Variants in DPY30 observed in about 807,000 individuals in gnomAD.
DPY30 encodes the protein protein dpy-30 homolog.
DPY30 carries 6 observed loss-of-function variants against 16.2 expected under a neutral mutation model. That is an observed-to-expected ratio of 0.37 (90% confidence interval 0.20 to 0.73). The LOEUF (loss-of-function observed/expected upper bound fraction) is 0.73. DPY30 is among the 30% of genes least tolerant of loss of function. The pLI is 0.51. For synonymous variants in DPY30, 39 were observed against 38.8 expected (o/e 1.00, Z -0.02); for missense variants, 73 against 113.1 (o/e 0.65, Z 1.61).
intron 5 of DPY30, among the ~76,000 whole-genome samples, chr2:32,016,951 C>T (rs769030985): frequency 5.3e-5 from 8 of 152,072 alleles, no homozygotes; most frequent in African/African-American, 1.7e-4. Context: ...GGCGCGATCT[C>T]GGTTCACTGC....
intron 3 of DPY30, among the ~76,000 whole-genome samples, chr2:32,037,390 G>A (rs530339821): frequency 8.6e-5 from 13 of 151,838 alleles, no homozygotes; most frequent in East Asian, 5.8e-4. Flanking sequence ...CTGCAGCTTC[G>A]GCCTCCCAGG....
Position 32,029,770 on chromosome 2 carries a change from T to C in DPY30, c.85-34A>G, listed in dbSNP as rs777696054. 10 of 1,610,120 alleles carry C rather than the reference T, an allele frequency of 6.2e-6. No individual in the cohort carries two copies. The South Asian group carries it at 1.1e-4, about 18-fold the overall frequency. ...TTCAAAAAAACAGTGCATGAACATT[T>C]CAAATAACCAGGTTATTTTGAGTGC... On this transcript the variant is annotated intron_variant, in intron 3 of 4. Coordinates refer to ENST00000342166, the MANE Select transcript of DPY30 (RefSeq NM_001321209.2).
At chr2:32,039,561 G>T in intron 1 of DPY30, 69 bp from the exon 2 acceptor site, 2 of 1,502,098 alleles carry the variant, frequency 1.3e-6, no homozygotes, top group Non-Finnish European at 1.8e-6. Flanking sequence ...ATGGAGTGCA[G>T]CCCAGCCCCC....
downstream of DPY30, chr2:32,023,378 A>G (rs1675226222): frequency 4.3e-6 from 2 of 464,156 alleles, no homozygotes; most frequent in Non-Finnish European, 8.9e-6. Context: ...AATGAAATTC[A>G]GCAACACATT....
chr2:32,029,844 G>A (rs901188568), intron 3 of DPY30, 108 bp from the exon 4 acceptor site: 12 of 1,245,214 alleles, frequency 9.6e-6, no homozygotes, highest in Admixed American at 8.0e-5. Flanking sequence ...GCAAATCAAT[G>A]ACTAGAAAGA....
chr2:32,025,747 A>T (rs1260729761), intron 4 of DPY30, among the ~76,000 whole-genome samples: 2 of 150,314 alleles, frequency 1.3e-5, no homozygotes, highest in Non-Finnish European at 3.0e-5. Flanking sequence ...GCCGCAACAG[A>T]ACAAGACTCC....
At chr2:32,013,866 G>C (rs1675014139) in intron 5 of DPY30, among the ~76,000 whole-genome samples, 1 of 152,172 alleles carries the variant, frequency 6.6e-6, no homozygotes, top group Admixed American at 6.5e-5. Flanking sequence ...AAATTAGCCA[G>C]GCGTGGTGGC....
intron 3 of DPY30, among the ~76,000 whole-genome samples, chr2:32,038,335 C>T (rs1410873648): frequency 7.2e-6 from 1 of 139,310 alleles, no homozygotes; most frequent in Non-Finnish European, 1.5e-5. Context: ...CTCCTGACCT[C>T]AGGTGATCAG....
In DPY30 at chr2:32,015,414, C is replaced by CT. The variant is rs148751973; in HGVS notation, n.378-3363dup. ...AAATACTGTGTATCTGAACACTAGA[C>CT]TAAGTACATTAGATATTTAATAATT... On this transcript the variant is annotated intron_variant and non_coding_transcript_variant, in intron 5 of 5. Transcript: ENST00000414013. Among the ~76,000 whole-genome samples, 914 of 152,152 alleles carry CT rather than the reference C, an allele frequency of 6.0e-3. 12 individuals are homozygous for CT. Among genetic ancestry groups the CT allele is most frequent in the African/African-American group, 0.021 (856 of 41,496 alleles).
intron 3 of DPY30, among the ~76,000 whole-genome samples, chr2:32,030,925 A>G (rs981372853): frequency 8.5e-5 from 13 of 152,214 alleles, no homozygotes; most frequent in Non-Finnish European, 1.5e-4. Flanking sequence ...ACTTAAATGA[A>G]TGAAGTTTTC....
intron 4 of DPY30, among the ~76,000 whole-genome samples, chr2:32,028,616 C>G (rs934889194): frequency 6.6e-6 from 1 of 152,102 alleles, no homozygotes; most frequent in African/African-American, 2.4e-5. Context: ...TTCTGGCCAA[C>G]ATGGTGAAAC....
downstream of DPY30, among the ~76,000 whole-genome samples, chr2:32,021,327 T>A (rs1422751532): frequency 3.3e-5 from 5 of 151,902 alleles, no homozygotes; most frequent in African/African-American, 9.7e-5. Flanking sequence ...TATTTATACT[T>A]CCAAAACTAG....
At chr2:32,015,903 T>C (rs1206198234) in intron 5 of DPY30, among the ~76,000 whole-genome samples, 3 of 151,896 alleles carry the variant, frequency 2.0e-5, no homozygotes, top group Non-Finnish European at 4.4e-5. Flanking sequence ...CAAGGTTGAT[T>C]TTGTTTTGAG....
intron 3 of DPY30, among the ~76,000 whole-genome samples, chr2:32,034,710 C>T (rs901371164): frequency 2.6e-5 from 4 of 152,146 alleles, no homozygotes; most frequent in African/African-American, 4.8e-5. Context: ...AAGAAAATCT[C>T]ATAATACGCT....
In DPY30 at chr2:32,027,923, C is replaced by T. The variant is rs375753067; in HGVS notation, c.227+1671G>A. On this transcript the variant is annotated intron_variant, in intron 4 of 4. Coordinates refer to ENST00000342166, the MANE Select transcript of DPY30 (RefSeq NM_001321209.2). The stretch of plus-strand genomic sequence containing the variant: ...GATTACAGGCGTGAGCCACCACGCC[C>T]GGCCCAAGATACCCATATTTTAATT... Among the ~76,000 whole-genome samples the T allele has an allele frequency of 5.7e-4, 87 of 151,978 alleles. No homozygotes were observed. The Middle Eastern group carries it at 0.024, about 42-fold the overall frequency.
intron 3 of DPY30, among the ~76,000 whole-genome samples, chr2:32,038,142 T>C (rs1414349013): frequency 2.0e-5 from 3 of 150,212 alleles, no homozygotes; most frequent in Admixed American, 6.7e-5. Context: ...TTTCTTTTTT[T>C]TTTTTTTTTT....
chr2:32,017,097 G>T (rs1336595524), intron 5 of DPY30, among the ~76,000 whole-genome samples: 1 of 151,708 alleles, frequency 6.6e-6, no homozygotes, highest in Admixed American at 6.6e-5. Context: ...TGGCCAGGCT[G>T]GTCTCAAACT....
downstream of DPY30, among the ~76,000 whole-genome samples, chr2:32,022,526 T>C (rs932823273): frequency 6.6e-6 from 1 of 152,058 alleles, no homozygotes; most frequent in Non-Finnish European, 1.5e-5. Context: ...TTTTTTAATT[T>C]TTTTTCTTTT....
chr2:32,036,151 A>AT (rs34624581), intron 3 of DPY30, among the ~76,000 whole-genome samples: 6 of 148,348 alleles, frequency 4.0e-5, no homozygotes, highest in Non-Finnish European at 4.5e-5. Flanking sequence ...TACCCAGCTA[A>AT]TTTTTTTTTT....
Sources: allele counts gnomAD v4.1 joint callset (sites outside exome capture counted in the v4.1 genomes callset), GRCh38; gene constraint gnomAD v4.1.1; transcripts MANE v1.5; gene names NCBI Gene and HGNC (gene_info 2026-07-23, HGNC 2026-07-21).